The following CCDC192 variants were observed in gnomAD, a reference collection of about 807,000 sequenced individuals.
CCDC192 encodes the protein coiled-coil domain-containing protein 192.
chr5:127,734,060 A>G (rs1202299545), intron 2 of CCDC192, among the ~76,000 whole-genome samples: 32 of 145,484 alleles, frequency 2.2e-4, no homozygotes, highest in African/African-American at 7.7e-4. Flanking sequence ...ATATCTCCCG[A>G]TGCTATCCCT....
chr5:127,735,051 A>G (rs1234447358), intron 2 of CCDC192, among the ~76,000 whole-genome samples: 2 of 133,908 alleles, frequency 1.5e-5, no homozygotes, highest in Non-Finnish European at 3.1e-5. Flanking sequence ...TAGGGTTTTT[A>G]TGGTTTTAGG....
At chr5:127,849,388 T>C (rs1750701569) in intron 5 of CCDC192, among the ~76,000 whole-genome samples, 1 of 152,030 alleles carries the variant, frequency 6.6e-6, no homozygotes, top group South Asian at 2.1e-4. Context: ...TGACTTCAAC[T>C]GGCCACTCTG....
intron 6 of CCDC192, among the ~76,000 whole-genome samples, chr5:127,917,423 T>G (rs935717720): frequency 1.3e-5 from 2 of 152,252 alleles, no homozygotes; most frequent in Admixed American, 6.5e-5. Flanking sequence ...GCCTAACCTT[T>G]GGCCTACCTT....
chr5:127,733,992 T>C (rs1391741192), intron 2 of CCDC192, among the ~76,000 whole-genome samples: 3 of 151,204 alleles, frequency 2.0e-5, no homozygotes, highest in Non-Finnish European at 4.4e-5. Flanking sequence ...TAGTTACATA[T>C]GTATACATGT....
rs558887593 is a variant in CCDC192, at chr5:127,860,309, G to T, written c.412-15229G>T. 7.9e-5 allele frequency among the ~76,000 whole-genome samples: 12 copies of T among 152,290 alleles called. No individual in the cohort carries two copies. The East Asian group carries it at 2.3e-3, about 29-fold the overall frequency. On this transcript the variant is annotated intron_variant, in intron 5 of 6. Coordinates refer to ENST00000514853, the MANE Select transcript of CCDC192 (RefSeq NM_001317938.2). ...GTTTGTTGAATAGAACTAAATTATT[G>T]AGAATCGCAGAAAAACAAGCTCTTT...
chr5:127,741,573 C>A (rs983117900), intron 2 of CCDC192, among the ~76,000 whole-genome samples: 5 of 152,078 alleles, frequency 3.3e-5, no homozygotes, highest in African/African-American at 1.2e-4. Flanking sequence ...CAGATGTTAT[C>A]AGGTGTTCAA....
intron 5 of CCDC192, among the ~76,000 whole-genome samples, chr5:127,864,992 A>G (rs1156676719): frequency 1.3e-5 from 2 of 152,082 alleles, no homozygotes; most frequent in Middle Eastern, 3.4e-3. Context: ...TTAAAAATAC[A>G]AAAAATTGGC....
chr5:127,787,773 A>C (rs1756633595), intron 3 of CCDC192, among the ~76,000 whole-genome samples: 1 of 152,172 alleles, frequency 6.6e-6, no homozygotes, highest in Non-Finnish European at 1.5e-5. Flanking sequence ...GTGTAATTCA[A>C]GTCTATTTTC....
intron 5 of CCDC192, among the ~76,000 whole-genome samples, chr5:127,841,335 A>C (rs1006852882): frequency 6.6e-5 from 10 of 152,196 alleles, no homozygotes; most frequent in African/African-American, 2.4e-4. Context: ...CCCAAAGTGC[A>C]TTACTTTCTC....
intron 5 of CCDC192, among the ~76,000 whole-genome samples, chr5:127,813,320 C>A (rs1032159162): frequency 5.3e-5 from 8 of 152,146 alleles, no homozygotes; most frequent in African/African-American, 1.9e-4. Flanking sequence ...AATGAAAAAA[C>A]TCAGAATTTT....
intron 2 of CCDC192, among the ~76,000 whole-genome samples, chr5:127,716,714 C>T (rs1180712672): frequency 6.6e-6 from 1 of 152,164 alleles, no homozygotes; most frequent in Non-Finnish European, 1.5e-5. Flanking sequence ...ACCACAATTA[C>T]CTGCCCCACC....
intron 5 of CCDC192, among the ~76,000 whole-genome samples, chr5:127,800,691 T>C (rs1757461470): frequency 6.6e-6 from 1 of 152,160 alleles, no homozygotes; most frequent in Admixed American, 6.5e-5. Context: ...ATCTCTTAAA[T>C]ATGTTTCTCT....
intron 5 of CCDC192, chr5:127,838,419 A>G (rs1750131759): frequency 6.6e-6 from 1 of 152,210 alleles, no homozygotes; most frequent in Admixed American, 6.5e-5. Context: ...TTCAGGGGAC[A>G]TTAATTTTCA....
intron 5 of CCDC192, among the ~76,000 whole-genome samples, chr5:127,817,837 G>A (rs1353423449): frequency 6.6e-6 from 1 of 152,136 alleles, no homozygotes; most frequent in Admixed American, 6.5e-5. Context: ...TATCTAGGAT[G>A]AGGGCTGGAA....
At chr5:127,856,561 G>C (rs772060999) in intron 5 of CCDC192, among the ~76,000 whole-genome samples, 2 of 152,210 alleles carry the variant, frequency 1.3e-5, no homozygotes, top group Non-Finnish European at 2.9e-5. Context: ...AACAGGCCTA[G>C]CTTTCAGCTT....
intron 5 of CCDC192, among the ~76,000 whole-genome samples, chr5:127,810,519 G>A (rs1758024541): frequency 6.6e-6 from 1 of 152,010 alleles, no homozygotes; most frequent in African/African-American, 2.4e-5. Flanking sequence ...ATGGATTTTT[G>A]TTAAGCAGCC....
At chr5:127,707,926 GA>G (rs1437841908) in intron 2 of CCDC192, among the ~76,000 whole-genome samples, 166 bp downstream of exon 2, 28 of 152,118 alleles carry the variant, frequency 1.8e-4, no homozygotes, top group Non-Finnish European at 1.9e-4. Context: ...CCAAGTAGAA[GA>G]TTGATGTAAA....
At chr5:127,825,830 T>C (rs1343095508) in intron 5 of CCDC192, among the ~76,000 whole-genome samples, 1 of 152,186 alleles carries the variant, frequency 6.6e-6, no homozygotes, top group Non-Finnish European at 1.5e-5. Context: ...AGATATTCCG[T>C]AAGAAGATAT....
intron 5 of CCDC192, among the ~76,000 whole-genome samples, chr5:127,821,795 A>G (rs1369368480): frequency 6.6e-6 from 1 of 152,188 alleles, no homozygotes; most frequent in Non-Finnish European, 1.5e-5. Flanking sequence ...CATAACTATA[A>G]CTGCCATAAA....
Sources: allele counts gnomAD v4.1 joint callset (sites outside exome capture counted in the v4.1 genomes callset), GRCh38; gene constraint gnomAD v4.1.1; transcripts MANE v1.5; gene names NCBI Gene and HGNC (gene_info 2026-07-23, HGNC 2026-07-21).